SH3D19: variants seen among roughly 807,000 people sequenced by gnomAD.
SH3D19 encodes SH3 domain containing 19.
In SH3D19, 58 loss-of-function variants were observed where a neutral mutation model predicts 112.1. The observed-to-expected ratio is 0.52, with a 90% CI of 0.42 to 0.64. The LOEUF (loss-of-function observed/expected upper bound fraction) is 0.64. Ranked by LOEUF, SH3D19 falls within the 30% of genes least tolerant of loss-of-function variation. SH3D19 has a pLI of 0.00. For synonymous variants in SH3D19, 391 were observed against 448.5 expected, an observed-to-expected ratio of 0.87 and a Z score of 1.62; for missense variants, 1,090 against 1,263.4, an observed-to-expected ratio of 0.86 and a Z score of 2.08.
chr4:151,181,954 CACAT>C (rs1427317117), intron 3 of SH3D19, among the ~76,000 whole-genome samples: 1 of 151,358 alleles, frequency 6.6e-6, no homozygotes, highest in Non-Finnish European at 1.5e-5. Flanking sequence ...GATATCCACA[CACAT>C]AACCAGTTGA....
chr4:151,305,694 C>T (rs938105452), intron 1 of SH3D19, among the ~76,000 whole-genome samples: 15 of 152,140 alleles, frequency 9.9e-5, no homozygotes, highest in African/African-American at 3.4e-4. Context: ...GGTGAGAATG[C>T]AGAACAATGA....
In SH3D19 at chr4:151,255,070, C is replaced by T. The variant is rs1205154469; in HGVS notation, c.113-28984G>A. Among the ~76,000 whole-genome samples, 428 of 143,234 alleles carry T rather than the reference C, an allele frequency of 3.0e-3. 3 individuals carry two copies. The highest frequency in any genetic ancestry group is 0.011 in the African/African-American group (408 of 37,614). The allele number at this position is 143,234 out of a possible 152,430, so 94.0% of individuals were successfully genotyped here. A position where few individuals can be genotyped will look rare whatever the true frequency, so the allele number is the denominator to read the frequency against. On this transcript the variant is annotated intron_variant, in intron 1 of 19. Coordinates refer to ENST00000604030, the MANE Select transcript of SH3D19 (RefSeq NM_001378122.1). Reference sequence around the variant, plus strand: ...CTCCCGGACGGGGCGGCTGGCCGGGCGGGGGGCTGACCCCCACCTCCCTCC... The same window carrying T: ...CTCCCGGACGGGGCGGCTGGCCGGGTGGGGGGCTGACCCCCACCTCCCTCC...
chr4:151,137,614 C>T (rs1197674523), intron 14 of SH3D19, 118 bp downstream of exon 14: 28 of 773,968 alleles, frequency 3.6e-5, no homozygotes, highest in Admixed American at 6.0e-5. Flanking sequence ...TTTCCAAATG[C>T]CAAATGAATC....
chr4:151,225,623 G>A (rs1270498656), intron 2 of SH3D19, among the ~76,000 whole-genome samples: 1 of 152,142 alleles, frequency 6.6e-6, no homozygotes, highest in Non-Finnish European at 1.5e-5. Flanking sequence ...AGGCAGTCTG[G>A]GTTTTGTTTT....
At chr4:151,235,781 G>A (rs1318864114) in intron 1 of SH3D19, among the ~76,000 whole-genome samples, 1 of 151,332 alleles carries the variant, frequency 6.6e-6, no homozygotes, top group African/African-American at 2.4e-5. Flanking sequence ...GCAAGACTCT[G>A]TCTCAAAAAA....
intron 1 of SH3D19, among the ~76,000 whole-genome samples, chr4:151,304,778 G>A (rs1728778701): frequency 6.6e-6 from 1 of 152,134 alleles, no homozygotes; most frequent in African/African-American, 2.4e-5. Context: ...TTACCAGGAT[G>A]GGCATATGCT....
At chr4:151,133,326 TCTGGGTTTA>T in intron 15 of SH3D19, 90 bp from the exon 16 acceptor site, 3 of 1,095,070 alleles carry the variant, frequency 2.7e-6, no homozygotes, top group Non-Finnish European at 4.0e-6. Context: ...AAATATTTAT[TCTGGGTTTA>T]CCATGGAATA....
At chr4:151,149,155 A>G (rs1754483128) in intron 10 of SH3D19, among the ~76,000 whole-genome samples, 1 of 152,226 alleles carries the variant, frequency 6.6e-6, no homozygotes. Context: ...TCACAAAGCC[A>G]GTCTCCTTCG....
rs749611960 is a variant in SH3D19, at chr4:151,149,482, T to C, written c.1817+18A>G. On this transcript the variant is annotated intron_variant, in intron 10 of 19. Transcript: ENST00000604030. ...CTGAGTCATTAATTTTTCTCTAACT[T>C]TTCCCACATTTACTTACCTCGGTGG... 3.1e-6 allele frequency: 5 copies of C among 1,605,016 alleles called. No individual in the cohort carries two copies. Among genetic ancestry groups the C allele is most frequent in the Non-Finnish European group, 3.4e-6 (4 of 1,173,788 alleles).
intron 1 of SH3D19, chr4:151,282,446 A>G: frequency 1.9e-6 from 3 of 1,609,452 alleles, no homozygotes; most frequent in Non-Finnish European, 2.5e-6. Flanking sequence ...GTTGTTTCAT[A>G]TGTCATCCTC....
intron 1 of SH3D19, among the ~76,000 whole-genome samples, chr4:151,273,186 G>A (rs1041566861): frequency 1.3e-5 from 2 of 152,166 alleles, no homozygotes; most frequent in African/African-American, 4.8e-5. Context: ...TACCAAAACT[G>A]AAATATCTAT....
intron 2 of SH3D19, among the ~76,000 whole-genome samples, chr4:151,225,746 T>C (rs1420384661): frequency 6.6e-6 from 1 of 152,094 alleles, no homozygotes; most frequent in African/African-American, 2.4e-5. Context: ...AAAATACTGG[T>C]TAAAGGGAGG....
At chr4:151,183,603 G>C (rs1040373299) in intron 3 of SH3D19, among the ~76,000 whole-genome samples, 1 of 152,106 alleles carries the variant, frequency 6.6e-6, no homozygotes, top group African/African-American at 2.4e-5. Context: ...AGCTAGTCTT[G>C]ATCTAAATAA....
At chr4:151,275,091 GT>G (rs11302117) in intron 1 of SH3D19, among the ~76,000 whole-genome samples, 10,165 of 146,128 alleles carry the variant, frequency 0.07, 1,077 homozygotes, top group African/African-American at 0.24. Context: ...TTCAAGATAC[GT>G]TTTTTTTTTT....
chr4:151,180,405 T>A (rs1420210478), intron 3 of SH3D19, among the ~76,000 whole-genome samples: 1 of 85,196 alleles, frequency 1.2e-5, no homozygotes, highest in Admixed American at 1.6e-4. Context: ...GGGGTCATTT[T>A]TTTTTCTTTT....
In SH3D19 at chr4:151,156,132, A is replaced by G. The variant is rs975020249; in HGVS notation, c.1755+3108T>C. 5.3e-5 allele frequency among the ~76,000 whole-genome samples: 8 copies of G among 152,180 alleles called. 1 individual carries two copies. The highest frequency in any genetic ancestry group is 1.0e-4 in the Non-Finnish European group (7 of 68,036). On this transcript the variant is annotated intron_variant, in intron 9 of 19. Transcript: ENST00000604030. ...AACTGAGGAAGTGAAAGACCTCTAC[A>G]AGGAAAACTACAAAATACCGATGGA... is the stretch of plus-strand genomic sequence containing the variant.
At chr4:151,271,494 T>C (rs1480529088) in intron 1 of SH3D19, among the ~76,000 whole-genome samples, 1 of 152,196 alleles carries the variant, frequency 6.6e-6, no homozygotes, top group African/African-American at 2.4e-5. Context: ...GGGGATATTT[T>C]TGGTTGTCAC....
chr4:151,299,785 G>T (rs925256269), intron 1 of SH3D19, among the ~76,000 whole-genome samples: 9 of 151,996 alleles, frequency 5.9e-5, no homozygotes, highest in African/African-American at 2.2e-4. Context: ...TTTATCCAGA[G>T]GCTGCTGAGT....
intron 1 of SH3D19, among the ~76,000 whole-genome samples, chr4:151,274,797 T>C (rs982822105): frequency 7.2e-5 from 11 of 152,212 alleles, no homozygotes; most frequent in African/African-American, 2.7e-4. Context: ...AACAGAAATT[T>C]ATTTCCTCAC....
Sources: gnomAD v4.1 joint callset for allele counts (sites outside exome capture counted in the v4.1 genomes callset) on GRCh38, gnomAD v4.1.1 for gene constraint, MANE v1.5 for transcripts, NCBI Gene and HGNC (gene_info 2026-07-23, HGNC 2026-07-21) for gene names.